The following ACIN1 variants were observed in gnomAD, a reference collection of about 807,000 sequenced individuals.
ACIN1 encodes the protein apoptotic chromatin condensation inducer in the nucleus.
ACIN1 carries 16 observed loss-of-function variants against 146.6 expected under a neutral mutation model. The ratio of observed to expected loss-of-function variants is 0.11; its 90% CI spans 0.07 to 0.17. The LOEUF is 0.17. Ranked by LOEUF, ACIN1 falls within the 10% of genes least tolerant of loss-of-function variation. ACIN1 has a pLI of 1.00. For synonymous variants in ACIN1, 569 were observed against 582.7 expected (o/e 0.98, Z 0.34); for missense variants, 1,357 against 1,609.3 (o/e 0.84, Z 2.68).
chr14:23,062,392 A>G (rs769858653), intron 15 of ACIN1, 24 bp downstream of exon 15: 1 of 1,612,442 alleles, frequency 6.2e-7, no homozygotes, highest in South Asian at 1.1e-5. Flanking sequence ...GCCATGACCT[A>G]TAGAATCAGC....
In ACIN1 at chr14:23,068,115, T is replaced by C; in HGVS notation, c.2265+1361A>G. The stretch of plus-strand genomic sequence containing the variant: ...GATGAGCAAGTGGTGACACATGGGC[T>C]GGGCTGTCATCAGCATTAAATCCCC... On this transcript the variant is annotated intron_variant, in intron 9 of 18. Coordinates refer to ENST00000605057, the MANE Select transcript of ACIN1 (RefSeq NM_001386863.1). This position sits in a 1 kb window ranked among gnomAD's most constrained non-coding sequence, Gnocchi z 4.3. 1.0e-6 allele frequency: 1 copy of C among 985,854 alleles called. No homozygotes were observed. The highest frequency in any genetic ancestry group is 1.2e-6 in the Non-Finnish European group (1 of 829,958). 61.1% of individuals were successfully genotyped at this position (985,854 alleles called of 1,614,324 possible). A position where few individuals can be genotyped will look rare whatever the true frequency, so the allele number is the denominator to read the frequency against.
Position 23,080,265 on chromosome 14 carries a change from G to A in ACIN1, c.1070C>T (p.Pro357Leu), listed in dbSNP as rs2140157939. 1 of 1,614,218 alleles carries A rather than the reference G, an allele frequency of 6.2e-7. No individual in the cohort carries two copies. The highest frequency in any genetic ancestry group is 8.5e-7 in the Non-Finnish European group (1 of 1,180,036). ...PEQTASEEET[P>L]PPLLTKEASS... ...TGCTTCCTTTGTTAGTAAAGGTGGA[G>A]GAGTCTCCTCCTCGCTGGCAGTTTG... The change falls in exon 6 of 19, where the codon CCT (proline) becomes CTT (leucine). Residue 357 changes from proline (P) to leucine (L), a missense_variant. Pro to Leu is a moderately conservative substitution (Grantham distance 98). Coordinates refer to ENST00000605057, the MANE Select transcript of ACIN1 (RefSeq NM_001386863.1).
rs116819386 is a variant in ACIN1, at chr14:23,065,880, C to T, written c.2308+86G>A. 2.0e-3 allele frequency: 2,523 copies of T among 1,241,948 alleles called. 45 individuals are homozygous for T. In the African/African-American group the frequency reaches 0.033, roughly 16 times the overall value. The allele number at this position is 1,241,948 out of a possible 1,614,324, so 76.9% of individuals were successfully genotyped here. ...GGCAGGAGGGAGTGACCCAAGAATG[C>T]CATTGAGAATGAAATTCTGGTTCTC... is the stretch of plus-strand genomic sequence containing the variant. On this transcript the variant is annotated intron_variant, in intron 10 of 18. Transcript: ENST00000605057.
Position 23,067,921 on chromosome 14 carries a change from C to G in ACIN1, c.2265+1555G>C. On this transcript the variant is annotated intron_variant, in intron 9 of 18. Transcript: ENST00000605057. The surrounding 1 kb of genome is among the most constrained non-coding windows in gnomAD (Gnocchi z 4.6). ...GACATTCAGCAGCAAGGTCAGAATACTTCTCTTCGGAGAGTTGTGGCTGGC... is the reference window on the plus strand; with the variant it reads ...GACATTCAGCAGCAAGGTCAGAATAGTTCTCTTCGGAGAGTTGTGGCTGGC... 3.0e-6 allele frequency: 3 copies of G among 985,862 alleles called. 1 individual carries two copies. The South Asian group carries it at 1.4e-4, about 46-fold the overall frequency. 61.1% of individuals were successfully genotyped at this position (985,862 alleles called of 1,614,324 possible).
upstream of ACIN1, chr14:23,095,442 C>T: frequency 2.7e-6 from 3 of 1,096,980 alleles, no homozygotes; most frequent in South Asian, 3.3e-5. Context: ...CGTTTATTTC[C>T]GGACCTAGAG....
At chr14:23,062,642 T>C in intron 14 of ACIN1, 119 bp from the exon 15 acceptor site, 1 of 962,410 alleles carries the variant, frequency 1.0e-6, no homozygotes, top group Non-Finnish European at 1.6e-6. Context: ...GGGCAGAGAG[T>C]TTAGGAACCT....
At chr14:23,069,646 G>A (rs748079639) in intron 8 of ACIN1, 29 bp from the exon 9 acceptor site, 6 of 855,254 alleles carry the variant, frequency 7.0e-6, no homozygotes, top group African/African-American at 1.7e-5. Flanking sequence ...GGTGGTGGGG[G>A]GGCGGGCAGA....
chr14:23,075,126 T>C (rs1443179311), intron 8 of ACIN1, among the ~76,000 whole-genome samples: 4 of 152,180 alleles, frequency 2.6e-5, no homozygotes, highest in African/African-American at 9.7e-5. Flanking sequence ...CACCATCATA[T>C]TGGCTTAAGG....
At chr14:23,087,715 A>C (rs1227624414) in intron 4 of ACIN1, among the ~76,000 whole-genome samples, 2 of 152,152 alleles carry the variant, frequency 1.3e-5, no homozygotes, top group East Asian at 3.9e-4. Context: ...CTAAAAAAAA[A>C]ACCCTCATAC....
chr14:23,081,655 T>C, intron 5 of ACIN1, 93 bp downstream of exon 5: 3 of 1,120,528 alleles, frequency 2.7e-6, no homozygotes, highest in East Asian at 2.4e-5. Flanking sequence ...AACCCCTAAA[T>C]GTAGAGACAT....
chr14:23,087,706 TA>T (rs376579435), intron 4 of ACIN1, among the ~76,000 whole-genome samples: 22 of 147,280 alleles, frequency 1.5e-4, no homozygotes, highest in Admixed American at 2.0e-4. Context: ...CCTATAGAAC[TA>T]AAAAAAAAAC....
At chr14:23,072,157 G>A (rs2140095626) in intron 8 of ACIN1, among the ~76,000 whole-genome samples, 1 of 152,242 alleles carries the variant, frequency 6.6e-6, no homozygotes, top group South Asian at 2.1e-4. Flanking sequence ...ACTCCAACAT[G>A]TCCTTTTCCC....
In ACIN1 at chr14:23,068,572, A is replaced by G. The variant is rs923218652; in HGVS notation, c.2265+904T>C. Reference sequence around the variant, plus strand: ...ATAGCAGACTTGGCTCTGATTGGGCAGCTCAGTAGCAGCGGGTGGGTCCAG... The same window carrying G: ...ATAGCAGACTTGGCTCTGATTGGGCGGCTCAGTAGCAGCGGGTGGGTCCAG... On this transcript the variant is annotated intron_variant, in intron 9 of 18. Transcript: ENST00000605057. The surrounding 1 kb of genome is among the most constrained non-coding windows in gnomAD (Gnocchi z 4.3). 2.0e-6 allele frequency: 2 copies of G among 985,814 alleles called. No homozygotes were observed. The highest frequency in any genetic ancestry group is 3.5e-5 in the African/African-American group (2 of 57,246). 61.1% of individuals were successfully genotyped at this position (985,814 alleles called of 1,614,324 possible).
Position 23,081,828 on chromosome 14 carries a change from A to G in ACIN1, c.445T>C (p.Ser149Pro). 1 of 1,609,128 alleles carries G rather than the reference A, an allele frequency of 6.2e-7. No individual in the cohort carries two copies. The highest frequency in any genetic ancestry group is 8.5e-7 in the Non-Finnish European group (1 of 1,179,000). Residue 149 changes from serine to proline, a missense_variant, in exon 5 of 19, where the codon TCC (serine) becomes CCC (proline). Physicochemically the swap from Ser to Pro is moderately conservative, Grantham distance 74. Transcript: ENST00000605057. The stretch of plus-strand genomic sequence containing the variant: ...TCACCTTTCTCTTCAGAAATTGAGG[A>G]GCTTTTTCCTATTGAATGAAAAAGA... Reference protein sequence around the residue: ...ELSRHSPRKSSSISEEKGDSD... With the variant: ...ELSRHSPRKSPSISEEKGDSD...
chr14:23,094,909 C>A (rs914729226), intron 1 of ACIN1, 66 bp downstream of exon 1: 1 of 1,506,300 alleles, frequency 6.6e-7, no homozygotes, highest in Non-Finnish European at 8.8e-7. Flanking sequence ...GCGCCTGCGC[C>A]GCGGCAGAGG....
chr14:23,059,653 C>CT (rs376703295), intron 18 of ACIN1, among the ~76,000 whole-genome samples, 179 bp from the exon 19 acceptor site: 103 of 138,604 alleles, frequency 7.4e-4, no homozygotes, highest in Non-Finnish European at 9.1e-4. Context: ...TAGTTTCAGC[C>CT]TTTTTTTTTT....
intron 2 of ACIN1, among the ~76,000 whole-genome samples, chr14:23,090,965 C>T (rs112817961): frequency 0.13 from 20,220 of 152,188 alleles, 1,488 homozygotes; most frequent in South Asian, 0.21. Flanking sequence ...AGTGCAGTGG[C>T]GTGATCTTCC....
chr14:23,068,168 A>T lies in ACIN1; in HGVS notation c.2265+1308T>A. The stretch of plus-strand genomic sequence containing the variant: ...GGGCTCAGACCCTAGACTCCTCTGC[A>T]CGGTTCCTAGTCGTCACAGCTTAAG... On this transcript the variant is annotated intron_variant, in intron 9 of 18. Coordinates refer to ENST00000605057, the MANE Select transcript of ACIN1 (RefSeq NM_001386863.1). The surrounding 1 kb of genome is among the most constrained non-coding windows in gnomAD (Gnocchi z 4.3). 1 of 985,942 alleles carries T rather than the reference A, an allele frequency of 1.0e-6. No individual in the cohort carries two copies. Among genetic ancestry groups the T allele is most frequent in the East Asian group, 1.1e-4 (1 of 8,820 alleles). 61.1% of individuals were successfully genotyped at this position (985,942 alleles called of 1,614,324 possible).
In ACIN1 at chr14:23,059,331, C is replaced by T; in HGVS notation, c.3669G>A (p.Arg1223=). The part of the protein sequence containing the change: ...RNRQLEREKR[R]EHSRERDRER... ...CCCTGTCCCTCTCCCGACTGTGCTCCCGACGTTTCTCTCGCTCCAGCTGTC... is the reference window on the plus strand; with the variant it reads ...CCCTGTCCCTCTCCCGACTGTGCTCTCGACGTTTCTCTCGCTCCAGCTGTC... Residue 1223 remains arginine, a synonymous_variant, in exon 19 of 19, where the codon CGG becomes CGA. Transcript: ENST00000605057. 1 of 1,605,822 alleles carries T rather than the reference C, an allele frequency of 6.2e-7. No homozygotes were observed. The highest frequency in any genetic ancestry group is 8.5e-7 in the Non-Finnish European group (1 of 1,172,442).
Sources: gnomAD v4.1 joint callset for allele counts (sites outside exome capture counted in the v4.1 genomes callset) on GRCh38, gnomAD v4.1.1 for gene constraint, Gnocchi (gnomAD v3.1) non-coding constraint, MANE v1.5 for transcripts, NCBI Gene and HGNC (gene_info 2026-07-23, HGNC 2026-07-21) for gene names.